RSU1: variants seen among roughly 807,000 people sequenced by gnomAD.
RSU1 encodes Ras suppressor protein 1.
Under a neutral mutation model 31.1 loss-of-function variants are expected in RSU1, and 26 were observed. That is an observed-to-expected ratio of 0.84 (90% CI 0.61 to 1.16). The LOEUF is 1.16. RSU1 is among the 50% of genes most tolerant of loss of function. The probability of loss-of-function intolerance (pLI) is 0.00; values close to 1 mark genes in which losing one functional copy is unlikely to be tolerated. For synonymous variants in RSU1, 164 were observed against 136.3 expected, an observed-to-expected ratio of 1.20 and a Z score of -1.41; for missense variants, 320 against 339.1, an observed-to-expected ratio of 0.94 and a Z score of 0.44.
intron 8 of RSU1, among the ~76,000 whole-genome samples, chr10:16,612,216 G>C (rs1454855034): frequency 1.3e-5 from 2 of 152,164 alleles, no homozygotes; most frequent in Non-Finnish European, 2.9e-5. Flanking sequence ...ACAAAACACT[G>C]TTTCTTTCCA....
chr10:16,706,026 C>T (rs1419099474), intron 7 of RSU1, among the ~76,000 whole-genome samples: 1 of 152,200 alleles, frequency 6.6e-6, no homozygotes, highest in African/African-American at 2.4e-5. Context: ...CCATATTTTG[C>T]TTATCCATTC....
chr10:16,650,130 C>G (rs1588694689), intron 8 of RSU1, among the ~76,000 whole-genome samples: 1 of 152,160 alleles, frequency 6.6e-6, no homozygotes, highest in African/African-American at 2.4e-5. Context: ...ATCACGCTAA[C>G]AGAAAGCTAA....
At chr10:16,747,850 C>G (rs1235413629) in intron 7 of RSU1, among the ~76,000 whole-genome samples, 1 of 152,136 alleles carries the variant, frequency 6.6e-6, no homozygotes, top group Non-Finnish European at 1.5e-5. Context: ...CTGGGCAATA[C>G]AGCAACACCC....
At chr10:16,785,481 C>CATATATACATAT (rs1837767027) in intron 2 of RSU1, among the ~76,000 whole-genome samples, 4 of 138,738 alleles carry the variant, frequency 2.9e-5, no homozygotes, top group Admixed American at 2.2e-4. Context: ...CACATATATA[C>CATATATACATAT]ATATATACAT....
chr10:16,752,533 C>A lies in RSU1; in HGVS notation c.598+6G>T. The A allele has an allele frequency of 6.2e-7, 1 of 1,604,628 alleles. No individual in the cohort carries two copies. Among genetic ancestry groups the A allele is most frequent in the Non-Finnish European group, 8.5e-7 (1 of 1,171,362 alleles). ...CAGAACTAAGTTCATTCATCAGCAACCTTACCTAGTTCTGGGGGCAGAACG... is the reference window on the plus strand; with the variant it reads ...CAGAACTAAGTTCATTCATCAGCAAACTTACCTAGTTCTGGGGGCAGAACG... On this transcript the variant is annotated splice_donor_region_variant and intron_variant, in intron 7 of 8. Coordinates refer to ENST00000345264, the MANE Select transcript of RSU1 (RefSeq NM_012425.4).
rs1049632 is a variant in RSU1 at position 16,754,920 on chromosome 10, C to T, written c.351G>A (p.Thr117=). 5 of 1,612,618 alleles carry T rather than the reference C, an allele frequency of 3.1e-6. No individual in the cohort carries two copies. The highest frequency in any genetic ancestry group is 2.2e-5 in the South Asian group (2 of 90,946). The change falls in exon 5 of 9, where the codon ACG becomes ACA. Residue 117 remains threonine (T), a synonymous_variant. Transcript: ENST00000345264. ...GAGAATTTTCGCTCAAGTTGTTGTA[C>T]GTCAAGTCCAGAACCTCAAGAGCTG... The part of the protein sequence containing the change: ...SLPALEVLDL[T]YNNLSENSLP...
rs375820836 is a variant in RSU1, at chr10:16,803,418, T to C, written c.109+13555A>G. ...ACAGGAAGACTCAACACTGTTATGA[T>C]GTCAGTTCTTCCCAAGTTGATCTAC... On this transcript the variant is annotated intron_variant, in intron 2 of 8. Transcript: ENST00000345264. 2.0e-5 allele frequency among the ~76,000 whole-genome samples: 3 copies of C among 152,310 alleles called. No homozygotes were observed. The South Asian group carries it at 6.2e-4, about 32-fold the overall frequency.
At chr10:16,613,575 A>G (rs1833928106) in intron 8 of RSU1, among the ~76,000 whole-genome samples, 1 of 152,196 alleles carries the variant, frequency 6.6e-6, no homozygotes, top group Non-Finnish European at 1.5e-5. Context: ...TACAAAAATG[A>G]CACTGGCAGA....
intron 2 of RSU1, among the ~76,000 whole-genome samples, chr10:16,787,990 T>G (rs948382781): frequency 6.6e-6 from 1 of 152,244 alleles, no homozygotes; most frequent in Non-Finnish European, 1.5e-5. Context: ...TAAGATTTTA[T>G]ACGCTGCAGA....
intron 7 of RSU1, among the ~76,000 whole-genome samples, chr10:16,702,919 A>C (rs924703454): frequency 2.6e-5 from 4 of 152,290 alleles, no homozygotes; most frequent in Middle Eastern, 3.4e-3. Flanking sequence ...TGCAAACCTC[A>C]ATGTCGGAGG....
chr10:16,809,985 C>T (rs1442783891), intron 2 of RSU1, among the ~76,000 whole-genome samples: 1 of 129,714 alleles, frequency 7.7e-6, no homozygotes, highest in Non-Finnish European at 1.7e-5. Flanking sequence ...ATTTGGGAGG[C>T]CGGGGGTGGG....
intron 8 of RSU1, among the ~76,000 whole-genome samples, chr10:16,662,713 T>G (rs1250542791): frequency 6.6e-6 from 1 of 152,204 alleles, no homozygotes; most frequent in Non-Finnish European, 1.5e-5. Flanking sequence ...CGAAAGGAAC[T>G]TCCAAACTTC....
intron 8 of RSU1, among the ~76,000 whole-genome samples, chr10:16,643,057 T>A (rs1274084346): frequency 6.6e-6 from 1 of 152,220 alleles, no homozygotes; most frequent in African/African-American, 2.4e-5. Context: ...ATGATGGGAT[T>A]TGTAAAACAG....
chr10:16,745,480 C>T (rs1476403334), intron 7 of RSU1, among the ~76,000 whole-genome samples: 2 of 152,126 alleles, frequency 1.3e-5, no homozygotes, highest in Non-Finnish European at 2.9e-5. Flanking sequence ...GCTGGGGAGG[C>T]CTCACAATCA....
At chr10:16,717,854 A>G (rs1836174808) in intron 7 of RSU1, among the ~76,000 whole-genome samples, 1 of 151,536 alleles carries the variant, frequency 6.6e-6, no homozygotes, top group South Asian at 2.1e-4. Flanking sequence ...ACGCATTACT[A>G]TAAATAACAG....
At chr10:16,638,144 T>G (rs944061953) in intron 8 of RSU1, among the ~76,000 whole-genome samples, 1 of 152,164 alleles carries the variant, frequency 6.6e-6, no homozygotes, top group South Asian at 2.1e-4. Flanking sequence ...GGCAAAGAAC[T>G]TGAAGTTAAG....
chr10:16,610,483 T>A (rs758135279), intron 8 of RSU1, among the ~76,000 whole-genome samples: 1 of 152,090 alleles, frequency 6.6e-6, no homozygotes, highest in Non-Finnish European at 1.5e-5. Context: ...AGGTGGTGAG[T>A]GGCAGGCGAG....
At chr10:16,627,305 G>T (rs1258130747) in intron 8 of RSU1, among the ~76,000 whole-genome samples, 1 of 152,186 alleles carries the variant, frequency 6.6e-6, no homozygotes, top group South Asian at 2.1e-4. Flanking sequence ...TTATGTTATA[G>T]TTGGGGAATT....
At chr10:16,759,040 C>A (rs536658081) in intron 4 of RSU1, among the ~76,000 whole-genome samples, 1 of 152,182 alleles carries the variant, frequency 6.6e-6, no homozygotes, top group African/African-American at 2.4e-5. Flanking sequence ...TTTTCCTTGT[C>A]TTCTAAAGCC....
Sources: allele counts gnomAD v4.1 joint callset (sites outside exome capture counted in the v4.1 genomes callset), GRCh38; gene constraint gnomAD v4.1.1; transcripts MANE v1.5; gene names NCBI Gene and HGNC (gene_info 2026-07-23, HGNC 2026-07-21).